Variants in WDPCP observed in about 807,000 individuals in gnomAD.
WDPCP encodes WD repeat-containing and planar cell polarity effector protein fritz homolog.
A neutral mutation model predicts 93.1 loss-of-function variants in WDPCP; 71 were observed. The observed-to-expected ratio is 0.76, with a 90% confidence interval of 0.63 to 0.93. The LOEUF (loss-of-function observed/expected upper bound fraction) is 0.93, where lower values mean the gene tolerates loss of function less well. WDPCP is among the 40% of genes least tolerant of loss of function. WDPCP has a pLI of 0.00. For synonymous variants in WDPCP, 315 were observed against 315.0 expected, an observed-to-expected ratio of 1.00 and a Z score of 0.00; for missense variants, 844 against 887.4, an observed-to-expected ratio of 0.95 and a Z score of 0.62.
chr2:63,275,855 G>T (rs926443456), intron 13 of WDPCP, among the ~76,000 whole-genome samples: 4 of 152,212 alleles, frequency 2.6e-5, no homozygotes, highest in African/African-American at 7.2e-5. Context: ...TGCAGCTCCT[G>T]CTTGGACAGA....
chr2:63,430,477 T>G (rs1248112131), intron 9 of WDPCP, among the ~76,000 whole-genome samples: 2 of 152,248 alleles, frequency 1.3e-5, no homozygotes, highest in Non-Finnish European at 2.9e-5. Flanking sequence ...TATATTAATA[T>G]TTTTAAATGA....
At chr2:63,311,729 C>T (rs377570834) in intron 13 of WDPCP, among the ~76,000 whole-genome samples, 20 of 152,030 alleles carry the variant, frequency 1.3e-4, no homozygotes, top group African/African-American at 4.8e-4. Flanking sequence ...AAACTGAGAC[C>T]GAAAGCTGAA....
intron 6 of WDPCP, among the ~76,000 whole-genome samples, chr2:63,478,716 C>T (rs1700100755): frequency 6.6e-6 from 1 of 151,986 alleles, no homozygotes; most frequent in Non-Finnish European, 1.5e-5. Context: ...TAAATGCGTA[C>T]ATCAAAATGT....
intron 2 of WDPCP, among the ~76,000 whole-genome samples, chr2:63,790,737 T>C (rs1173169305): frequency 6.6e-6 from 1 of 152,132 alleles, no homozygotes; most frequent in Non-Finnish European, 1.5e-5. Flanking sequence ...ACAGGACTTT[T>C]GAAATAAAAC....
At chr2:63,446,251 G>A (rs561499497) in intron 6 of WDPCP, among the ~76,000 whole-genome samples, 5 of 152,270 alleles carry the variant, frequency 3.3e-5, no homozygotes, top group Admixed American at 6.5e-5. Flanking sequence ...GGAAGTAAGC[G>A]GTGAGTGGGC....
chr2:63,174,569 C>G, intron 15 of WDPCP, 101 bp downstream of exon 15: 1 of 1,524,212 alleles, frequency 6.6e-7, no homozygotes, highest in Non-Finnish European at 9.0e-7. Context: ...AAATTTTTCT[C>G]CTTGACATTT....
intron 13 of WDPCP, among the ~76,000 whole-genome samples, chr2:63,273,792 A>G (rs1332641972): frequency 6.6e-6 from 1 of 151,734 alleles, no homozygotes; most frequent in Non-Finnish European, 1.5e-5. Flanking sequence ...CTAAATATGT[A>G]TGCACCCAAC....
intron 2 of WDPCP, among the ~76,000 whole-genome samples, chr2:63,700,054 G>C (rs1053481632): frequency 1.3e-5 from 2 of 152,006 alleles, no homozygotes; most frequent in Non-Finnish European, 2.9e-5. Flanking sequence ...GAGAGGCTGA[G>C]GCAGATGGAT....
At chr2:63,701,651 C>T (rs1451973244) in intron 2 of WDPCP, among the ~76,000 whole-genome samples, 1 of 152,138 alleles carries the variant, frequency 6.6e-6, no homozygotes, top group Non-Finnish European at 1.5e-5. Context: ...ATATATACAA[C>T]AGGACATTAT....
chr2:63,419,975 T>C (rs1408075566), intron 9 of WDPCP, among the ~76,000 whole-genome samples: 3 of 152,240 alleles, frequency 2.0e-5, no homozygotes, highest in Non-Finnish European at 2.9e-5. Context: ...CAAAAGTTCT[T>C]AGCTTATCAG....
intron 2 of WDPCP, among the ~76,000 whole-genome samples, chr2:63,679,933 T>C (rs1575745789): frequency 6.6e-6 from 1 of 152,182 alleles, no homozygotes; most frequent in East Asian, 1.9e-4. Context: ...AAGCCCCCAC[T>C]ACAAGGTTCT....
chr2:63,815,428 C>T lies in WDPCP; in HGVS notation n.223-1721G>A, dbSNP rs546032099. Among the ~76,000 whole-genome samples, 6 of 152,244 alleles carry T rather than the reference C, an allele frequency of 3.9e-5. No individual in the cohort carries two copies. In the South Asian group the frequency reaches 6.2e-4, roughly 16 times the overall value. ...CTACATTAGTGGAATTACTCTACTACGAAATAAGATACTCTTTTCCTTATT... is the reference window on the plus strand; with the variant it reads ...CTACATTAGTGGAATTACTCTACTATGAAATAAGATACTCTTTTCCTTATT... On this transcript the variant is annotated intron_variant and non_coding_transcript_variant, in intron 1 of 4. Coordinates refer to the WDPCP transcript ENST00000467687.
intron 15 of WDPCP, among the ~76,000 whole-genome samples, chr2:63,168,107 CAAAAAAAAAA>C (rs957507138): frequency 1.9e-5 from 1 of 53,546 alleles, no homozygotes; most frequent in Non-Finnish European, 3.3e-5. Flanking sequence ...GAGACCCTGC[CAAAAAAAAAA>C]AAAAAAAAAA....
chr2:63,147,776 C>G (rs1671622742), intron 17 of WDPCP, among the ~76,000 whole-genome samples: 1 of 152,000 alleles, frequency 6.6e-6, no homozygotes, highest in Admixed American at 6.6e-5. Context: ...CGAGACCAAC[C>G]TGGGTAACAT....
At position 63,486,578 on chromosome 2, in the gene WDPCP, G is replaced by A; in HGVS notation, c.217C>T (p.His73Tyr). The A allele has an allele frequency of 1.3e-6, 2 of 1,575,342 alleles. No homozygotes were observed. Among genetic ancestry groups the A allele is most frequent in the Non-Finnish European group, 1.7e-6 (2 of 1,157,286 alleles). ...YDKKDPPATE[H>Y]GNLEKKQKLA... ...TTCTGCTTCTTTTCTAAGTTACCATGCTCTGTCGCTGATATTGTGGCAGAA... is the reference window on the plus strand; with the variant it reads ...TTCTGCTTCTTTTCTAAGTTACCATACTCTGTCGCTGATATTGTGGCAGAA... Residue 73 changes from histidine to tyrosine, a missense_variant, in exon 4 of 18, where the codon CAT becomes TAT. Coordinates refer to ENST00000272321, the MANE Select transcript of WDPCP (RefSeq NM_015910.7).
intron 2 of WDPCP, among the ~76,000 whole-genome samples, chr2:63,712,138 G>T (rs983601461): frequency 6.6e-6 from 1 of 152,182 alleles, no homozygotes; most frequent in Admixed American, 6.5e-5. Flanking sequence ...AGTCATATGA[G>T]CTTCGCACAT....
chr2:63,450,661 C>T (rs1216507035), intron 6 of WDPCP, among the ~76,000 whole-genome samples: 1 of 152,164 alleles, frequency 6.6e-6, no homozygotes, highest in Admixed American at 6.5e-5. Flanking sequence ...GCACCCCTGT[C>T]CTCAGCAAAA....
Position 63,279,250 on chromosome 2 carries a change from T to C in WDPCP, c.1813-19841A>G, listed in dbSNP as rs1284094886. 3.3e-5 allele frequency among the ~76,000 whole-genome samples: 5 copies of C among 152,256 alleles called. No homozygotes were observed. In the East Asian group the frequency reaches 7.7e-4, roughly 24 times the overall value. On this transcript the variant is annotated intron_variant, in intron 13 of 17. Coordinates refer to ENST00000272321, the MANE Select transcript of WDPCP (RefSeq NM_015910.7). ...CAATCCTCAATAAAATACTAGCTAA[T>C]TGAATCCAACAGCCTATCAAAAAGA...
At chr2:63,691,831 A>C (rs1405486350) in intron 2 of WDPCP, among the ~76,000 whole-genome samples, 1 of 151,906 alleles carries the variant, frequency 6.6e-6, no homozygotes, top group Admixed American at 6.6e-5. Context: ...ATAAGTAGAA[A>C]GGTATGATCT....
Sources: gnomAD v4.1 joint callset for allele counts (sites outside exome capture counted in the v4.1 genomes callset) on GRCh38, gnomAD v4.1.1 for gene constraint, MANE v1.5 for transcripts, NCBI Gene and HGNC (gene_info 2026-07-23, HGNC 2026-07-21) for gene names.